The following BMPR1B variants were observed in gnomAD, a reference collection of about 807,000 sequenced individuals.
BMPR1B encodes bone morphogenetic protein receptor type-1B.
A neutral mutation model predicts 59.1 loss-of-function variants in BMPR1B; 12 were observed. That is an observed-to-expected ratio of 0.20 (90% CI 0.13 to 0.33). The LOEUF (loss-of-function observed/expected upper bound fraction) is 0.33. Ranked by LOEUF, BMPR1B falls within the 10% of genes least tolerant of loss-of-function variation. BMPR1B has a pLI of 1.00. For synonymous variants in BMPR1B, 237 were observed against 207.3 expected (o/e 1.14, Z -1.23); for missense variants, 550 against 610.9 (o/e 0.90, Z 1.05).
At chr4:94,999,126 T>C (rs1311729990) in intron 3 of BMPR1B, among the ~76,000 whole-genome samples, 2 of 152,180 alleles carry the variant, frequency 1.3e-5, no homozygotes, top group Non-Finnish European at 2.9e-5. Flanking sequence ...CTTGGTAATA[T>C]AGTGTTTTAT....
At chr4:94,900,649 T>C (rs1024684734) in intron 2 of BMPR1B, among the ~76,000 whole-genome samples, 7 of 152,000 alleles carry the variant, frequency 4.6e-5, no homozygotes, top group African/African-American at 1.4e-4. Flanking sequence ...GAGGCAGAAG[T>C]TGGGACAGCA....
chr4:95,008,183 G>A (rs1234907998), intron 3 of BMPR1B, among the ~76,000 whole-genome samples: 1 of 152,148 alleles, frequency 6.6e-6, no homozygotes, highest in Non-Finnish European at 1.5e-5. Context: ...GTAAACTATT[G>A]AATATCTGTC....
At chr4:94,798,267 C>T (rs1004116822) in intron 1 of BMPR1B, among the ~76,000 whole-genome samples, 4 of 152,202 alleles carry the variant, frequency 2.6e-5, no homozygotes, top group Non-Finnish European at 5.9e-5. Flanking sequence ...CTAAGGTCCT[C>T]AACTCCAGCA....
In BMPR1B at chr4:94,878,288, A is replaced by G. The variant is rs149735596; in HGVS notation, c.-113+2388A>G. Among the ~76,000 whole-genome samples, 542 of 152,322 alleles carry G rather than the reference A, an allele frequency of 3.6e-3. 3 individuals carry two copies. Among genetic ancestry groups the G allele is most frequent in the Middle Eastern group, 0.01 (3 of 294 alleles). The stretch of plus-strand genomic sequence containing the variant: ...AGGTTTGTTAAAAACCAAAATTGCA[A>G]CAAATTTAGTTTAAAGATACTAGGT... On this transcript the variant is annotated intron_variant, in intron 2 of 12. Coordinates refer to ENST00000515059, the MANE Select transcript of BMPR1B (RefSeq NM_001203.3).
chr4:95,012,622 G>T (rs142166013), intron 3 of BMPR1B, among the ~76,000 whole-genome samples: 2 of 152,120 alleles, frequency 1.3e-5, no homozygotes, highest in South Asian at 4.1e-4. Context: ...TATTGGCATA[G>T]AGACAGTTAT....
intron 10 of BMPR1B, among the ~76,000 whole-genome samples, chr4:95,142,880 C>T (rs1734349827): frequency 6.6e-6 from 1 of 150,794 alleles, no homozygotes; most frequent in Admixed American, 6.6e-5. Flanking sequence ...AACTAAAAGG[C>T]TTAATTAACA....
intron 6 of BMPR1B, among the ~76,000 whole-genome samples, chr4:95,116,372 T>G (rs1401126406): frequency 6.8e-6 from 1 of 147,680 alleles, no homozygotes; most frequent in Non-Finnish European, 1.5e-5. Flanking sequence ...ACCTTTTGTT[T>G]GCAACAGGTC....
chr4:95,067,710 A>G (rs1727943791), intron 3 of BMPR1B, among the ~76,000 whole-genome samples: 1 of 152,224 alleles, frequency 6.6e-6, no homozygotes, highest in Admixed American at 6.5e-5. Flanking sequence ...TCATTTTATT[A>G]CATCTTTAAG....
intron 3 of BMPR1B, among the ~76,000 whole-genome samples, chr4:95,010,566 G>A (rs1723148855): frequency 6.6e-6 from 1 of 152,166 alleles, no homozygotes; most frequent in Non-Finnish European, 1.5e-5. Flanking sequence ...AAAGGAAATG[G>A]AGCTGGGAGT....
At position 95,156,900 on chromosome 4, in the gene BMPR1B, C is replaced by T. The variant is rs1560700878; in HGVS notation, c.*2227C>T. The T allele has an allele frequency of 6.6e-6, 1 of 152,270 alleles. No homozygotes were observed. The highest frequency in any genetic ancestry group is 2.1e-4 in the South Asian group (1 of 4,826). 9.4% of individuals were successfully genotyped at this position (152,270 alleles called of 1,614,324 possible). On this transcript the variant is annotated 3_prime_UTR_variant, in exon 13 of 13. Coordinates refer to ENST00000515059, the MANE Select transcript of BMPR1B (RefSeq NM_001203.3). Reference sequence around the variant, plus strand: ...TCTAAACAGATCATCTACAAAACAACAGGTAAACATTTATGCCAGTTAAGT... The same window carrying T: ...TCTAAACAGATCATCTACAAAACAATAGGTAAACATTTATGCCAGTTAAGT...
chr4:94,883,137 T>G (rs1175095334), intron 2 of BMPR1B, among the ~76,000 whole-genome samples: 2 of 152,102 alleles, frequency 1.3e-5, no homozygotes, highest in African/African-American at 4.8e-5. Context: ...GTGACTGAGC[T>G]CACCTCCCTT....
At chr4:95,149,647 A>C (rs919771349) in intron 11 of BMPR1B, among the ~76,000 whole-genome samples, 2 of 151,940 alleles carry the variant, frequency 1.3e-5, no homozygotes, top group Non-Finnish European at 2.9e-5. Flanking sequence ...TTCTGTATCA[A>C]CTCTTCTGTA....
chr4:95,018,855 A>G (rs1196603446), intron 3 of BMPR1B, among the ~76,000 whole-genome samples: 1 of 152,130 alleles, frequency 6.6e-6, no homozygotes, highest in African/African-American at 2.4e-5. Flanking sequence ...GTGTTTACTG[A>G]TCCTTTTCTG....
chr4:95,080,817 A>T (rs909431945), intron 3 of BMPR1B, among the ~76,000 whole-genome samples: 3 of 152,214 alleles, frequency 2.0e-5, no homozygotes, highest in Non-Finnish European at 4.4e-5. Context: ...ATGAAGCAAT[A>T]AAATGATTAA....
rs1218000976 is a variant in BMPR1B at position 95,156,413 on chromosome 4, T to G, written c.*1740T>G. The G allele has an allele frequency of 2.0e-5, 3 of 151,940 alleles. No homozygotes were observed. The highest frequency in any genetic ancestry group is 4.4e-5 in the Non-Finnish European group (3 of 67,958). The allele number at this position is 151,940 out of a possible 1,614,324, so 9.4% of individuals were successfully genotyped here. ...CACTGGGTGATTGAAGGATGGAGGATTTTTGAAAATTTGACAGCTACATGA... is the reference window on the plus strand; with the variant it reads ...CACTGGGTGATTGAAGGATGGAGGAGTTTTGAAAATTTGACAGCTACATGA... On this transcript the variant is annotated 3_prime_UTR_variant, in exon 13 of 13. Coordinates refer to ENST00000515059, the MANE Select transcript of BMPR1B (RefSeq NM_001203.3).
At chr4:95,002,494 C>T (rs1046712525) in intron 3 of BMPR1B, among the ~76,000 whole-genome samples, 3 of 152,196 alleles carry the variant, frequency 2.0e-5, no homozygotes, top group Admixed American at 1.3e-4. Context: ...CTATGCCCAG[C>T]AATGGGATTC....
At chr4:95,105,774 A>G (rs1731160090) in intron 4 of BMPR1B, among the ~76,000 whole-genome samples, 2 of 152,086 alleles carry the variant, frequency 1.3e-5, no homozygotes, top group Admixed American at 1.3e-4. Context: ...AGGTAAAACG[A>G]TTCCAAAGCT....
chr4:94,836,166 A>T (rs1483346778), intron 1 of BMPR1B, among the ~76,000 whole-genome samples: 2 of 149,382 alleles, frequency 1.3e-5, no homozygotes, highest in Non-Finnish European at 3.0e-5. Flanking sequence ...TCATTGTTGG[A>T]CATTTGGGTT....
chr4:95,000,996 C>T (rs1722406018), intron 3 of BMPR1B, among the ~76,000 whole-genome samples: 1 of 152,110 alleles, frequency 6.6e-6, no homozygotes, highest in African/African-American at 2.4e-5. Flanking sequence ...TATCAATGGG[C>T]AGTTGTGGCA....
Sources: allele counts gnomAD v4.1 joint callset (sites outside exome capture counted in the v4.1 genomes callset), GRCh38; gene constraint gnomAD v4.1.1; transcripts MANE v1.5; gene names NCBI Gene and HGNC (gene_info 2026-07-23, HGNC 2026-07-21).